The following SNX30 variants were observed in gnomAD, a reference collection of about 807,000 sequenced individuals.
SNX30 encodes sorting nexin family member 30, also known as sorting nexin-30.
In SNX30, 24 loss-of-function variants were observed where a neutral mutation model predicts 46.4. The observed-to-expected ratio is 0.52, with a 90% confidence interval of 0.37 to 0.73. The LOEUF is 0.73. SNX30 is among the 30% of genes least tolerant of loss of function. The pLI, the probability that SNX30 is intolerant of heterozygous loss-of-function variation, is 0.00. For missense variants in SNX30, 533 were observed against 555.7 expected, an observed-to-expected ratio of 0.96 and a Z score of 0.41; for synonymous variants, 189 against 211.5, an observed-to-expected ratio of 0.89 and a Z score of 0.92.
intron 4 of SNX30, among the ~76,000 whole-genome samples, chr9:112,834,873 C>CAA (rs1840725845): frequency 1.1e-5 from 1 of 94,686 alleles, no homozygotes; most frequent in African/African-American, 2.8e-5. Flanking sequence ...CACACACACA[C>CAA]ACACACACAC....
chr9:112,806,639 A>T (rs1447815222), intron 2 of SNX30, among the ~76,000 whole-genome samples: 1 of 152,178 alleles, frequency 6.6e-6, no homozygotes, highest in East Asian at 1.9e-4. Flanking sequence ...TTCATCTCTT[A>T]TTGGATGAAA....
At chr9:112,864,757 T>C (rs1304967903) in intron 8 of SNX30, among the ~76,000 whole-genome samples, 1 of 152,154 alleles carries the variant, frequency 6.6e-6, no homozygotes, top group Non-Finnish European at 1.5e-5. Flanking sequence ...GTTGGGGTTC[T>C]GTACACAGGG....
chr9:112,849,631 G>A (rs1840993443), intron 6 of SNX30, among the ~76,000 whole-genome samples: 1 of 152,178 alleles, frequency 6.6e-6, no homozygotes, highest in African/African-American at 2.4e-5. Flanking sequence ...ACTTCCTAAA[G>A]CAAACTTTTC....
At chr9:112,820,708 C>T (rs1270820900) in intron 3 of SNX30, among the ~76,000 whole-genome samples, 4 of 152,208 alleles carry the variant, frequency 2.6e-5, no homozygotes, top group Non-Finnish European at 4.4e-5. Context: ...GTATATCTCC[C>T]AGCCCCTGGC....
At chr9:112,814,253 T>G (rs931605561) in intron 2 of SNX30, among the ~76,000 whole-genome samples, 1 of 152,224 alleles carries the variant, frequency 6.6e-6, no homozygotes, top group African/African-American at 2.4e-5. Flanking sequence ...TTTTTATTTA[T>G]TTTTTGAGTT....
At chr9:112,825,597 C>T (rs1840568456) in intron 3 of SNX30, among the ~76,000 whole-genome samples, 1 of 151,978 alleles carries the variant, frequency 6.6e-6, no homozygotes, top group Non-Finnish European at 1.5e-5. Context: ...TCTGCTTCCC[C>T]CAATCGATTT....
At position 112,832,654 on chromosome 9, in the gene SNX30, A is replaced by G. The variant is rs548951583; in HGVS notation, c.618+1771A>G. On this transcript the variant is annotated intron_variant, in intron 4 of 8. Transcript: ENST00000374232. ...GGTTGGGGGAGGGGGGAGGGATAGC[A>G]TTAGGAGATATACCTAATGCTAAAT... Among the ~76,000 whole-genome samples the G allele has an allele frequency of 2.0e-5, 3 of 149,832 alleles. No individual in the cohort carries two copies. The South Asian group carries it at 6.4e-4, about 32-fold the overall frequency.
At chr9:112,751,694 C>G (rs1469355018) in intron 1 of SNX30, among the ~76,000 whole-genome samples, 1 of 152,100 alleles carries the variant, frequency 6.6e-6, no homozygotes, top group Non-Finnish European at 1.5e-5. Flanking sequence ...CTGACTCAGA[C>G]CCCAGCCGGC....
chr9:112,776,757 G>C (rs1839754381), intron 1 of SNX30, among the ~76,000 whole-genome samples: 1 of 152,242 alleles, frequency 6.6e-6, no homozygotes. Context: ...ATAGAGTCTA[G>C]GTCTTTGGAA....
intron 2 of SNX30, among the ~76,000 whole-genome samples, chr9:112,805,534 T>C (rs1840212592): frequency 1.3e-5 from 2 of 152,206 alleles, no homozygotes; most frequent in Admixed American, 1.3e-4. Context: ...AGTGGTGTGA[T>C]CTCAGCCCAC....
Position 112,779,041 on chromosome 9 carries a change from A to G in SNX30, c.157-25735A>G, listed in dbSNP as rs145377724. On this transcript the variant is annotated intron_variant, in intron 1 of 8. Transcript: ENST00000374232. ...GCTAGGTGAGTAAGGCATCCCATAC[A>G]AAGTGCTCGTGGCACTTGGGGGAAT... is the stretch of plus-strand genomic sequence containing the variant. 2.2e-3 allele frequency among the ~76,000 whole-genome samples: 328 copies of G among 152,364 alleles called. 1 individual carries two copies. Among genetic ancestry groups the G allele is most frequent in the Admixed American group, 6.3e-3 (97 of 15,310 alleles).
At chr9:112,843,297 G>A (rs546410728) in intron 6 of SNX30, among the ~76,000 whole-genome samples, 1 of 152,116 alleles carries the variant, frequency 6.6e-6, no homozygotes, top group Non-Finnish European at 1.5e-5. Context: ...TTTTTAAGAG[G>A]TTTATCTATG....
chr9:112,781,554 A>G (rs980450635), intron 1 of SNX30, among the ~76,000 whole-genome samples: 3 of 152,226 alleles, frequency 2.0e-5, no homozygotes, highest in Non-Finnish European at 4.4e-5. Flanking sequence ...TAAGGCCAAA[A>G]GGGTGTATCT....
intron 3 of SNX30, among the ~76,000 whole-genome samples, chr9:112,825,116 T>A (rs1412058360): frequency 6.6e-6 from 1 of 152,254 alleles, no homozygotes; most frequent in Non-Finnish European, 1.5e-5. Context: ...GAAGTGGAAT[T>A]GCTGGAGCAT....
chr9:112,755,713 G>A (rs555618257), intron 1 of SNX30, among the ~76,000 whole-genome samples: 1 of 151,958 alleles, frequency 6.6e-6, no homozygotes, highest in African/African-American at 2.4e-5. Context: ...AAAAGGCCCA[G>A]GTATTTTGGC....
At chr9:112,814,344 G>A (rs62576409) in intron 2 of SNX30, among the ~76,000 whole-genome samples, 10,348 of 152,138 alleles carry the variant, frequency 0.068, 452 homozygotes, top group Non-Finnish European at 0.099. Context: ...AGGCTCAAGC[G>A]ATCCTCCCAC....
At chr9:112,837,408 T>G (rs996930207) in intron 5 of SNX30, among the ~76,000 whole-genome samples, 2 of 152,146 alleles carry the variant, frequency 1.3e-5, no homozygotes, top group African/African-American at 4.8e-5. Context: ...ACCACATCTC[T>G]TGTATCAAAA....
intron 1 of SNX30, among the ~76,000 whole-genome samples, chr9:112,797,726 T>TC (rs1840131629): frequency 6.7e-6 from 1 of 148,746 alleles, no homozygotes; most frequent in Non-Finnish European, 1.5e-5. Flanking sequence ...TTTTTTTTTT[T>TC]TGAGATGGAG....
intron 5 of SNX30, among the ~76,000 whole-genome samples, chr9:112,836,692 T>C (rs150677864): frequency 6.6e-6 from 1 of 152,240 alleles, no homozygotes; most frequent in Non-Finnish European, 1.5e-5. Context: ...TAACTTTAGC[T>C]TTAAAAGTGG....
Sources: allele counts gnomAD v4.1 joint callset (sites outside exome capture counted in the v4.1 genomes callset), GRCh38; gene constraint gnomAD v4.1.1; transcripts MANE v1.5; gene names NCBI Gene and HGNC (gene_info 2026-07-23, HGNC 2026-07-21).